Variants in ZNF250 observed in about 807,000 individuals in gnomAD.
ZNF250 encodes zinc finger protein 250.
Under a neutral mutation model 37.1 loss-of-function variants are expected in ZNF250, and 13 were observed. The observed-to-expected ratio is 0.35, with a 90% CI of 0.23 to 0.56. The LOEUF is 0.56. Ranked by LOEUF, ZNF250 falls within the 20% of genes least tolerant of loss-of-function variation. The probability of loss-of-function intolerance (pLI) is 0.87; values close to 1 mark genes in which losing one functional copy is unlikely to be tolerated. For missense variants in ZNF250, 474 were observed against 697.9 expected (o/e 0.68, Z 3.61); for synonymous variants, 251 against 265.6 (o/e 0.94, Z 0.54).
At position 144,882,726 on chromosome 8, in the gene ZNF250, T is replaced by A. The variant is rs149612091; in HGVS notation, c.457A>T (p.Asn153Tyr). The A allele has an allele frequency of 8.1e-6, 13 of 1,614,040 alleles. No homozygotes were observed. The highest frequency in any genetic ancestry group is 2.7e-5 in the African/African-American group (2 of 75,064). ...CAGAAGCTTTGCTTTGTTTCATTATTTTCTTGATCAATCCTCCCCAAGGGT... is the reference window on the plus strand; with the variant it reads ...CAGAAGCTTTGCTTTGTTTCATTATATTCTTGATCAATCCTCCCCAAGGGT... The part of the protein sequence containing the change: ...KTPLGRIDQE[N>Y]NETKQSFCLS... The change falls in exon 6 of 6, where the codon AAT becomes TAT. Residue 153 changes from asparagine (N) to tyrosine (Y), a missense_variant. Physicochemically the swap from Asn to Tyr is moderately radical, Grantham distance 143 (BLOSUM62 -2). Coordinates refer to ENST00000417550, the MANE Select transcript of ZNF250 (RefSeq NM_001109689.4). The surrounding 1 kb of genome is among the most constrained non-coding windows in gnomAD (Gnocchi z 5.5).
At chr8:144,895,628 C>A (rs1243909739) in intron 1 of ZNF250, among the ~76,000 whole-genome samples, 1 of 152,068 alleles carries the variant, frequency 6.6e-6, no homozygotes, top group Non-Finnish European at 1.5e-5. Flanking sequence ...AAGGGAAAGA[C>A]TGCCACCTGG....
chr8:144,885,942 C>T (rs1332207176), intron 5 of ZNF250, among the ~76,000 whole-genome samples: 1 of 151,600 alleles, frequency 6.6e-6, no homozygotes, highest in Non-Finnish European at 1.5e-5. Context: ...CCCGTCTCTA[C>T]AAAAATTAGC....
rs749624269 is a variant in ZNF250 at position 144,881,963 on chromosome 8, T to G, written c.1220A>C (p.Asn407Thr). ...KTFSHRSTLM[N>T]HERIHTEEKP... ...TTCCTCGGTGTGGATCCGCTCGTGA[T>G]TCATCAGTGTGGAGCGGTGGCTGAA... The change falls in exon 6 of 6, where the codon AAT (asparagine) becomes ACT (threonine). Residue 407 changes from asparagine (N) to threonine (T), a missense_variant. Transcript: ENST00000417550. The G allele has an allele frequency of 6.2e-7, 1 of 1,613,998 alleles. No homozygotes were observed. Among genetic ancestry groups the G allele is most frequent in the Admixed American group, 1.7e-5 (1 of 60,000 alleles).
Position 144,881,758 on chromosome 8 carries a change from C to A in ZNF250, c.1425G>T (p.Gln475His). Residue 475 changes from glutamine (Q) to histidine (H), a missense_variant, in exon 6 of 6, where the codon CAG becomes CAT. Around this residue, in one of 2 missense-constraint regions of ZNF250, gnomAD observed 282 missense variants for 470.4 expected, o/e 0.60. Transcript: ENST00000417550. ...TGAAGGCTTTGCCACATTCTGTGCA[C>A]TGGAAGGGCTTTTCACCTGTGTGGA... ...ERIHTGEKPF[Q>H]CTECGKAFSL... 6.2e-7 allele frequency: 1 copy of A among 1,614,122 alleles called. No homozygotes were observed. Among genetic ancestry groups the A allele is most frequent in the Non-Finnish European group, 8.5e-7 (1 of 1,179,988 alleles).
chr8:144,891,286 T>C lies in ZNF250; in HGVS notation c.-54-883A>G, dbSNP rs1170675491. Among the ~76,000 whole-genome samples, 12 of 152,042 alleles carry C rather than the reference T, an allele frequency of 7.9e-5. No individual in the cohort carries two copies. Among genetic ancestry groups the C allele is most frequent in the Admixed American group, 4.6e-4 (7 of 15,266 alleles). ...GGTAGATCACTCCAGAAAAACGTGG[T>C]ATAACAAAGCAACCAATCCCCTCAC... On this transcript the variant is annotated intron_variant, in intron 1 of 5. Transcript: ENST00000417550. This position sits in a 1 kb window ranked among gnomAD's most constrained non-coding sequence, Gnocchi z 4.0.
rs1832260098 is a variant in ZNF250, at chr8:144,890,543, AGCCTTGGTCT to A, written c.-54-150_-54-141del. 2.1e-6 allele frequency: 1 copy of A among 483,454 alleles called. No homozygotes were observed. Among genetic ancestry groups the A allele is most frequent in the African/African-American group, 1.9e-5 (1 of 52,510 alleles). The allele number at this position is 483,454 out of a possible 1,614,324, so 29.9% of individuals were successfully genotyped here. On this transcript the variant is annotated intron_variant, in intron 1 of 5. Transcript: ENST00000417550. This position sits in a 1 kb window ranked among gnomAD's most constrained non-coding sequence, Gnocchi z 5.1. ...AGGTGCAAGGAGCTGCTACTGTTGCAGCCTTGGTCTGCCTTGCCTCCCCCATGAACTCTGA... is the reference window on the plus strand; with the variant it reads ...AGGTGCAAGGAGCTGCTACTGTTGCAGCCTTGCCTCCCCCATGAACTCTGA...
intron 1 of ZNF250, among the ~76,000 whole-genome samples, chr8:144,900,411 G>T (rs773234928): frequency 2.6e-4 from 39 of 152,312 alleles, no homozygotes; most frequent in Non-Finnish European, 4.0e-4. Flanking sequence ...AGAAAAAAGG[G>T]TGTGCGTGCG....
chr8:144,882,087 C>T lies in ZNF250; in HGVS notation c.1096G>A (p.Glu366Lys), dbSNP rs755313423. 10 of 1,614,062 alleles carry T rather than the reference C, an allele frequency of 6.2e-6. No individual in the cohort carries two copies. Among genetic ancestry groups the T allele is most frequent in the East Asian group, 2.2e-5 (1 of 44,868 alleles). ...CGGTCGCTGAAGGCCTTCCCACACT[C>T]GCTGCACGTGTAGGGCTTCTCCCCG... ...HTGEKPYTCS[E>K]CGKAFSDRSV... The change falls in exon 6 of 6, where the codon GAG becomes AAG. Residue 366 changes from glutamate (E) to lysine (K), a missense_variant. By Grantham distance (56) the Glu-to-Lys change is moderately conservative. This residue lies in a region of ZNF250 where 282 missense variants were observed against 470.4 expected (regional missense o/e 0.60). Coordinates refer to ENST00000417550, the MANE Select transcript of ZNF250 (RefSeq NM_001109689.4). The surrounding 1 kb of genome is among the most constrained non-coding windows in gnomAD (Gnocchi z 5.5).
intron 1 of ZNF250, among the ~76,000 whole-genome samples, chr8:144,900,346 G>A (rs1833017688): frequency 6.6e-6 from 1 of 152,100 alleles, no homozygotes; most frequent in Non-Finnish European, 1.5e-5. Context: ...GACGAGTGGA[G>A]CGCCCCCTGC....
At chr8:144,899,086 T>C (rs545846017) in intron 1 of ZNF250, among the ~76,000 whole-genome samples, 1 of 152,304 alleles carries the variant, frequency 6.6e-6, no homozygotes, top group African/African-American at 2.4e-5. Context: ...GCAACAGGGA[T>C]GGAACTGGAG....
chr8:144,882,706 G>A lies in ZNF250; in HGVS notation c.477C>T (p.Ser159=), dbSNP rs1471890781. Residue 159 remains serine, a synonymous_variant, in exon 6 of 6, where the codon AGC becomes AGT. Transcript: ENST00000417550. This position sits in a 1 kb window ranked among gnomAD's most constrained non-coding sequence, Gnocchi z 5.5. ...IDQENNETKQ[S]FCLSPNSVDH... is the part of the protein sequence containing the mutation. ...CAACAGAGTTTGGACTCAGACAGAA[G>A]CTTTGCTTTGTTTCATTATTTTCTT... 12 of 1,614,012 alleles carry A rather than the reference G, an allele frequency of 7.4e-6. No homozygotes were observed. The highest frequency in any genetic ancestry group is 1.0e-5 in the Non-Finnish European group (12 of 1,179,900).
chr8:144,898,158 G>A (rs1483890349), intron 1 of ZNF250, among the ~76,000 whole-genome samples: 1 of 152,116 alleles, frequency 6.6e-6, no homozygotes, highest in Admixed American at 6.6e-5. Context: ...TTAGCTGGGT[G>A]TGGTGGCACG....
chr8:144,883,944 T>C (rs1266539085), intron 5 of ZNF250, among the ~76,000 whole-genome samples: 3 of 152,018 alleles, frequency 2.0e-5, no homozygotes, highest in African/African-American at 4.8e-5. Context: ...GCTACTATCA[T>C]AGCCCACTGC....
chr8:144,899,706 T>C (rs1236096373), intron 1 of ZNF250, among the ~76,000 whole-genome samples: 1 of 152,126 alleles, frequency 6.6e-6, no homozygotes, highest in Non-Finnish European at 1.5e-5. Context: ...TGCAACAATT[T>C]AGTATATGAC....
rs1055282134 is a variant in ZNF250 at position 144,881,494 on chromosome 8, G to C, written c.*21C>G. 1.3e-6 allele frequency: 2 copies of C among 1,556,708 alleles called. No homozygotes were observed. The highest frequency in any genetic ancestry group is 2.7e-5 in the African/African-American group (2 of 73,568). ...TCCACATGCAGTTTCTGTGAGAATG[G>C]ATTCTTGTGTCAGCCATGGGTCACA... On this transcript the variant is annotated 3_prime_UTR_variant, in exon 6 of 6. Transcript: ENST00000417550.
intron 5 of ZNF250, among the ~76,000 whole-genome samples, chr8:144,883,841 T>C (rs1022526218): frequency 4.0e-5 from 6 of 151,746 alleles, no homozygotes; most frequent in Non-Finnish European, 5.9e-5. Context: ...TGCAGGCTGA[T>C]TGTGTGTGAG....
chr8:144,898,666 A>T (rs1832885586), intron 1 of ZNF250, among the ~76,000 whole-genome samples: 1 of 152,238 alleles, frequency 6.6e-6, no homozygotes, highest in African/African-American at 2.4e-5. Context: ...ACAGAATGGA[A>T]GAAAATATTT....
chr8:144,887,910 CT>C (rs1240845099), intron 4 of ZNF250, among the ~76,000 whole-genome samples: 3 of 152,202 alleles, frequency 2.0e-5, no homozygotes, highest in Non-Finnish European at 4.4e-5. Context: ...ACCTGGTGCC[CT>C]ATCCACATAA....
intron 1 of ZNF250, among the ~76,000 whole-genome samples, chr8:144,892,624 G>A (rs962975855): frequency 5.9e-5 from 9 of 151,722 alleles, no homozygotes; most frequent in African/African-American, 1.7e-4. Context: ...GCGAGATCTC[G>A]GCTCACCGCA....
Sources: gnomAD v4.1 joint callset for allele counts (sites outside exome capture counted in the v4.1 genomes callset) on GRCh38, gnomAD v4.1.1 for gene constraint, gnomAD v4.1.1 regional missense constraint, Gnocchi (gnomAD v3.1) non-coding constraint, MANE v1.5 for transcripts, NCBI Gene and HGNC (gene_info 2026-07-23, HGNC 2026-07-21) for gene names.